DOCK3: variants seen among roughly 807,000 people sequenced by gnomAD.
DOCK3 encodes dedicator of cytokinesis 3, also known as dedicator of cytokinesis protein 3.
A neutral mutation model predicts 265.6 loss-of-function variants in DOCK3; 60 were observed. The observed-to-expected ratio is 0.23, with a 90% CI of 0.18 to 0.28. The LOEUF (loss-of-function observed/expected upper bound fraction) is 0.28. DOCK3 is among the 10% of genes least tolerant of loss of function. DOCK3 has a pLI of 1.00. For missense variants in DOCK3, 1,981 were observed against 2,594.3 expected (o/e 0.76, Z 5.14); for synonymous variants, 881 against 938.0 (o/e 0.94, Z 1.11).
In DOCK3 at chr3:50,675,212, C is replaced by T. The variant is rs2033843969; in HGVS notation, c.-52C>T. 8.2e-6 allele frequency: 9 copies of T among 1,103,568 alleles called. No individual in the cohort carries two copies. Among genetic ancestry groups the T allele is most frequent in the Non-Finnish European group, 1.0e-5 (9 of 900,428 alleles). 68.4% of individuals were successfully genotyped at this position (1,103,568 alleles called of 1,614,324 possible). A position where few individuals can be genotyped will look rare whatever the true frequency, so the allele number is the denominator to read the frequency against. ...CCACAGCCGGGCCCGCGGCCGTCCC[C>T]GCCGCGTTGTCGCCCGGTCGCCGCG... On this transcript the variant is annotated 5_prime_UTR_variant, in exon 1 of 53. Transcript: ENST00000266037. The surrounding 1 kb of genome is among the most constrained non-coding windows in gnomAD (Gnocchi z 6.1).
At chr3:51,140,671 A>G (rs1180424597) in intron 9 of DOCK3, among the ~76,000 whole-genome samples, 2 of 152,058 alleles carry the variant, frequency 1.3e-5, no homozygotes, top group Non-Finnish European at 2.9e-5. Context: ...AGGAATTTCC[A>G]GACTGTTTTT....
intron 51 of DOCK3, among the ~76,000 whole-genome samples, chr3:51,379,096 T>C (rs1034822219): frequency 1.3e-5 from 2 of 152,236 alleles, no homozygotes; most frequent in African/African-American, 2.4e-5. Context: ...GTGCTCTCTC[T>C]ATATTCTCTC....
At chr3:51,182,669 G>A (rs2087369540) in intron 12 of DOCK3, among the ~76,000 whole-genome samples, 3 of 152,226 alleles carry the variant, frequency 2.0e-5, no homozygotes. Flanking sequence ...TAAACCAACT[G>A]AGAAGTGGAG....
intron 5 of DOCK3, among the ~76,000 whole-genome samples, chr3:51,011,424 G>C (rs1400920857): frequency 6.6e-6 from 1 of 152,120 alleles, no homozygotes; most frequent in East Asian, 1.9e-4. Context: ...GTTGGCTACT[G>C]AAGCTTGTGC....
intron 23 of DOCK3, among the ~76,000 whole-genome samples, chr3:51,264,655 G>A (rs1012634598): frequency 4.6e-5 from 7 of 151,432 alleles, no homozygotes; most frequent in Non-Finnish European, 8.8e-5. Flanking sequence ...GTGAAACCCC[G>A]TCTCTACTAA....
At chr3:50,957,198 A>G (rs554327562) in intron 5 of DOCK3, among the ~76,000 whole-genome samples, 1 of 152,352 alleles carries the variant, frequency 6.6e-6, no homozygotes, top group East Asian at 1.9e-4. Context: ...TATTGTAAGA[A>G]AATTTTGATT....
chr3:51,066,702 G>C (rs1403980352), intron 6 of DOCK3, among the ~76,000 whole-genome samples: 1 of 152,118 alleles, frequency 6.6e-6, no homozygotes, highest in African/African-American at 2.4e-5. Context: ...TCAGGAAAGA[G>C]GAAACATGGA....
chr3:51,308,322 A>G (rs1171385171), intron 27 of DOCK3, among the ~76,000 whole-genome samples: 1 of 151,178 alleles, frequency 6.6e-6, no homozygotes, highest in Non-Finnish European at 1.5e-5. Flanking sequence ...CAGATAAACA[A>G]GTGAACAAAG....
intron 5 of DOCK3, among the ~76,000 whole-genome samples, chr3:50,941,239 AGTT>A (rs1048461465): frequency 1.3e-5 from 2 of 152,126 alleles, no homozygotes; most frequent in Non-Finnish European, 2.9e-5. Flanking sequence ...ACAACAACTC[AGTT>A]GTTGTTGTTG....
At chr3:50,718,930 C>A (rs1005143339) in intron 1 of DOCK3, among the ~76,000 whole-genome samples, 1 of 151,846 alleles carries the variant, frequency 6.6e-6, no homozygotes, top group East Asian at 1.9e-4. Context: ...ACTACAGGCG[C>A]CTGCCACCAT....
At chr3:51,053,114 T>TATATATAGATAGATAGATAGATAG (rs2081068091) in intron 5 of DOCK3, among the ~76,000 whole-genome samples, 1 of 125,564 alleles carries the variant, frequency 8.0e-6, no homozygotes. Flanking sequence ...TATATATATA[T>TATATATAGATAGATAGATAGATAG]ATATATATGG....
chr3:51,344,449 G>A (rs529292364), intron 38 of DOCK3, among the ~76,000 whole-genome samples: 26 of 152,264 alleles, frequency 1.7e-4, no homozygotes, highest in African/African-American at 5.5e-4. Flanking sequence ...GTGAAACCTC[G>A]TCTCTACTGA....
chr3:51,349,084 T>C lies in DOCK3; in HGVS notation c.4002+146T>C. 4.0e-6 allele frequency: 3 copies of C among 746,074 alleles called. No homozygotes were observed. The South Asian group carries it at 5.4e-5, about 13-fold the overall frequency. 46.2% of individuals were successfully genotyped at this position (746,074 alleles called of 1,614,324 possible). ...ACTCCTGCCCTCAGGACACTTGCAG[T>C]CTGACTAGGAAACCAAAAATAACAC... is the stretch of plus-strand genomic sequence containing the variant. On this transcript the variant is annotated intron_variant, in intron 39 of 52. Transcript: ENST00000266037.
intron 27 of DOCK3, among the ~76,000 whole-genome samples, chr3:51,290,108 A>G (rs188198532): frequency 6.6e-6 from 1 of 152,354 alleles, no homozygotes; most frequent in African/African-American, 2.4e-5. Flanking sequence ...TGGTTCAACC[A>G]TTGTGGAAGA....
intron 5 of DOCK3, among the ~76,000 whole-genome samples, chr3:50,974,902 A>G (rs1467347181): frequency 1.6e-5 from 2 of 121,830 alleles, no homozygotes; most frequent in South Asian, 3.3e-4. Flanking sequence ...CTTTGAAGCA[A>G]TTGTGAATGG....
chr3:51,308,237 TATTG>T (rs1206236675), intron 27 of DOCK3, among the ~76,000 whole-genome samples: 2 of 150,298 alleles, frequency 1.3e-5, no homozygotes, highest in Non-Finnish European at 3.0e-5. Context: ...TTTTTTTTTT[TATTG>T]ATCATTCTTG....
At chr3:50,862,071 T>G (rs1470547971) in intron 3 of DOCK3, among the ~76,000 whole-genome samples, 1 of 152,210 alleles carries the variant, frequency 6.6e-6, no homozygotes, top group East Asian at 1.9e-4. Context: ...TCTTTCATTT[T>G]CATCTTTAGA....
At chr3:50,797,759 A>G (rs1337654939) in intron 2 of DOCK3, among the ~76,000 whole-genome samples, 1 of 152,148 alleles carries the variant, frequency 6.6e-6, no homozygotes, top group African/African-American at 2.4e-5. Context: ...TTTGTTTGCA[A>G]TTCTGTGATG....
intron 4 of DOCK3, among the ~76,000 whole-genome samples, chr3:50,930,108 G>A (rs115848957): frequency 0.015 from 2,355 of 152,240 alleles, 25 homozygotes; most frequent in South Asian, 0.028. Context: ...TAAGTCCTAC[G>A]TCTTAGAACT....
Sources: gnomAD v4.1 joint callset for allele counts (sites outside exome capture counted in the v4.1 genomes callset) on GRCh38, gnomAD v4.1.1 for gene constraint, Gnocchi (gnomAD v3.1) non-coding constraint, MANE v1.5 for transcripts, NCBI Gene and HGNC (gene_info 2026-07-23, HGNC 2026-07-21) for gene names.